Variants in AFF3 observed in about 807,000 individuals in gnomAD.
AFF3 encodes the protein AF4/FMR2 family member 3.
Under a neutral mutation model 129.7 loss-of-function variants are expected in AFF3, and 32 were observed. That is an observed-to-expected ratio of 0.25 (90% CI 0.19 to 0.33). The LOEUF (loss-of-function observed/expected upper bound fraction) is 0.33. Among genes scored for constraint, AFF3 ranks in the 10% least tolerant of loss-of-function variants. The pLI is 1.00. For synonymous variants in AFF3, 644 were observed against 635.4 expected (o/e 1.01, Z -0.20); for missense variants, 1,373 against 1,592.0 (o/e 0.86, Z 2.34).
intron 7 of AFF3, among the ~76,000 whole-genome samples, chr2:99,967,747 T>C (rs891421453): frequency 2.6e-5 from 4 of 152,214 alleles, no homozygotes; most frequent in African/African-American, 9.6e-5. Context: ...CCTCCACATT[T>C]AATTAATTAC....
intron 11 of AFF3, among the ~76,000 whole-genome samples, chr2:99,673,775 G>A (rs900815380): frequency 5.3e-5 from 8 of 152,194 alleles, no homozygotes; most frequent in Admixed American, 1.3e-4. Context: ...ACATTCGTAG[G>A]AGTCATTTCA....
intron 12 of AFF3, among the ~76,000 whole-genome samples, chr2:99,666,199 A>G (rs1424878062): frequency 6.6e-6 from 1 of 152,226 alleles, no homozygotes; most frequent in East Asian, 1.9e-4. Flanking sequence ...ATAAAGATGA[A>G]TAAGATACAC....
intron 12 of AFF3, 103 bp from the exon 13 acceptor site, chr2:99,649,769 T>C: frequency 7.4e-7 from 1 of 1,348,384 alleles, no homozygotes; most frequent in Admixed American, 2.0e-5. Context: ...CACACATTTT[T>C]GCCATGTGGC....
chr2:99,578,950 G>A (rs1041222536), intron 17 of AFF3, among the ~76,000 whole-genome samples: 13 of 152,186 alleles, frequency 8.5e-5, no homozygotes, highest in African/African-American at 1.7e-4. Flanking sequence ...TCTGGTTCCC[G>A]GTGATGCGGA....
intron 7 of AFF3, among the ~76,000 whole-genome samples, chr2:99,975,574 T>C (rs893039167): frequency 6.6e-6 from 1 of 152,076 alleles, no homozygotes; most frequent in Admixed American, 6.5e-5. Flanking sequence ...CTGGATCTTG[T>C]TTCCTTAAGG....
At chr2:99,803,253 TTTG>T (rs1417481791) in intron 8 of AFF3, among the ~76,000 whole-genome samples, 1 of 152,204 alleles carries the variant, frequency 6.6e-6, no homozygotes, top group Admixed American at 6.5e-5. Flanking sequence ...CATTTATTGA[TTTG>T]TGTATGACGA....
intron 4 of AFF3, among the ~76,000 whole-genome samples, chr2:100,070,785 T>C (rs1243595603): frequency 1.2e-4 from 18 of 152,196 alleles, no homozygotes; most frequent in Non-Finnish European, 1.5e-5. Flanking sequence ...CAGCTCATGG[T>C]AGATGCTCAA....
intron 7 of AFF3, among the ~76,000 whole-genome samples, chr2:99,986,201 AAATAATAAT>A (rs35535526): frequency 0.022 from 2,998 of 137,076 alleles, 80 homozygotes; most frequent in African/African-American, 0.067. Context: ...ACTTCATCTC[AAATAATAAT>A]AATAATAATA....
Position 100,058,227 on chromosome 2 carries a change from A to C in AFF3, c.53+46175T>G, listed in dbSNP as rs186617072. Among the ~76,000 whole-genome samples, 15 of 152,334 alleles carry C rather than the reference A, an allele frequency of 9.8e-5. No homozygotes were observed. The East Asian group carries it at 2.5e-3, about 25-fold the overall frequency. ...ACAATTTTGCTGGAAATTGAGGCTC[A>C]GAGGAAGCACTTGCCCAAGGGACAT... On this transcript the variant is annotated intron_variant, in intron 4 of 24. Coordinates refer to ENST00000672756, the MANE Select transcript of AFF3 (RefSeq NM_001386135.1).
At chr2:100,023,713 G>A (rs775506983) in intron 4 of AFF3, among the ~76,000 whole-genome samples, 10 of 152,136 alleles carry the variant, frequency 6.6e-5, no homozygotes, top group Non-Finnish European at 1.3e-4. Flanking sequence ...ATCTCAAGCA[G>A]GGTTAAGAAA....
intron 11 of AFF3, among the ~76,000 whole-genome samples, chr2:99,715,179 G>C (rs1229626989): frequency 6.6e-6 from 1 of 152,174 alleles, no homozygotes; most frequent in Non-Finnish European, 1.5e-5. Context: ...GGCATCTCTG[G>C]AGTAGACCAC....
At chr2:99,840,897 T>A (rs1160873222) in intron 7 of AFF3, among the ~76,000 whole-genome samples, 1 of 152,198 alleles carries the variant, frequency 6.6e-6, no homozygotes, top group Non-Finnish European at 1.5e-5. Context: ...AAATGTACCG[T>A]CAAACCTACA....
chr2:99,648,917 A>ACACTCTCT, intron 13 of AFF3, among the ~76,000 whole-genome samples: 16 of 46,938 alleles, frequency 3.4e-4, no homozygotes, highest in South Asian at 1.2e-3. Context: ...ACACACACAC[A>ACACTCTCT]CTCTCTCTCT....
rs74930406 is a variant in AFF3 at position 99,834,478 on chromosome 2, T to C, written c.921+2999A>G. Among the ~76,000 whole-genome samples, 642 of 152,242 alleles carry C rather than the reference T, an allele frequency of 4.2e-3. 1 individual carries two copies. Among genetic ancestry groups the C allele is most frequent in the Non-Finnish European group, 7.6e-3 (519 of 68,004 alleles). ...TTATTGTATGAGGGACGTATTGCAA[T>C]TGGAAAGGGAGCTGAAGGGAAGTTA... On this transcript the variant is annotated intron_variant, in intron 8 of 24. Transcript: ENST00000672756.
At chr2:99,794,180 C>T (rs927756808) in intron 8 of AFF3, among the ~76,000 whole-genome samples, 2 of 152,134 alleles carry the variant, frequency 1.3e-5, no homozygotes, top group Admixed American at 1.3e-4. Flanking sequence ...GGTCTATTTT[C>T]CTTTTGCTAT....
intron 8 of AFF3, among the ~76,000 whole-genome samples, chr2:99,820,682 A>G (rs992244721): frequency 1.3e-4 from 18 of 134,252 alleles, no homozygotes; most frequent in African/African-American, 3.9e-4. Context: ...TAAAACACAA[A>G]CACATTGTAC....
chr2:100,114,770 A>C (rs185153722), intron 2 of AFF3, among the ~76,000 whole-genome samples: 2 of 152,340 alleles, frequency 1.3e-5, no homozygotes, highest in East Asian at 3.9e-4. Flanking sequence ...CAAGGACTAG[A>C]TGAGCAACAC....
chr2:100,011,778 C>T (rs1682572708), intron 4 of AFF3, among the ~76,000 whole-genome samples: 1 of 152,112 alleles, frequency 6.6e-6, no homozygotes, highest in Admixed American at 6.5e-5. Context: ...ATAAACTCCA[C>T]TTATTTTTCA....
In AFF3 at chr2:99,614,284, A is replaced by C. The variant is rs185250112; in HGVS notation, c.1185-12663T>G. Reference sequence around the variant, plus strand: ...CATTTAGCAGAGGAGAAACTCAGTAATACAGGAGGTCCATAAACTTGGACA... The same window carrying C: ...CATTTAGCAGAGGAGAAACTCAGTACTACAGGAGGTCCATAAACTTGGACA... On this transcript the variant is annotated intron_variant, in intron 13 of 24. Transcript: ENST00000672756. Among the ~76,000 whole-genome samples, 172 of 152,364 alleles carry C rather than the reference A, an allele frequency of 1.1e-3. 1 individual carries two copies. The highest frequency in any genetic ancestry group is 3.9e-3 in the African/African-American group (164 of 41,586).
Sources: allele counts gnomAD v4.1 joint callset (sites outside exome capture counted in the v4.1 genomes callset), GRCh38; gene constraint gnomAD v4.1.1; transcripts MANE v1.5; gene names NCBI Gene and HGNC (gene_info 2026-07-23, HGNC 2026-07-21).